The following GPC6 variants were observed in gnomAD, a reference collection of about 807,000 sequenced individuals.
GPC6 encodes glypican-6.
In GPC6, 14 loss-of-function variants were observed where a neutral mutation model predicts 55.2. The ratio of observed to expected loss-of-function variants is 0.25; its 90% CI spans 0.17 to 0.40. GPC6 has a LOEUF of 0.40. Among genes scored for constraint, GPC6 ranks in the 10% least tolerant of loss-of-function variants. The probability of loss-of-function intolerance (pLI) is 1.00; values close to 1 mark genes in which losing one functional copy is unlikely to be tolerated. For missense variants in GPC6, 641 were observed against 708.5 expected (o/e 0.90, Z 1.08); for synonymous variants, 278 against 259.6 (o/e 1.07, Z -0.68).
In GPC6 at chr13:93,654,983, C is replaced by T. The variant is rs375281577; in HGVS notation, c.319+109562C>T. ...TCCAGAGTAGCTGGGACTACAGGCG[C>T]CCACTACCATGCCCGGCTAATTTTT... On this transcript the variant is annotated intron_variant, in intron 2 of 8. Coordinates refer to ENST00000377047, the MANE Select transcript of GPC6 (RefSeq NM_005708.5). 1.7e-4 allele frequency among the ~76,000 whole-genome samples: 25 copies of T among 150,588 alleles called. No homozygotes were observed. The East Asian group carries it at 4.4e-3, about 26-fold the overall frequency.
intron 1 of GPC6, among the ~76,000 whole-genome samples, chr13:93,400,338 CAAA>C (rs11345982): frequency 3.5e-5 from 5 of 142,004 alleles, no homozygotes; most frequent in Admixed American, 2.1e-4. Context: ...AGGCACTGGT[CAAA>C]AAAAAAAAAA....
intron 3 of GPC6, among the ~76,000 whole-genome samples, chr13:93,895,244 A>ATG (rs1403748981): frequency 1.8e-5 from 1 of 55,234 alleles, no homozygotes; most frequent in Non-Finnish European, 3.7e-5. Context: ...GTATATATAT[A>ATG]TATATATATA....
At chr13:93,239,985 T>C (rs1876372615) in intron 1 of GPC6, among the ~76,000 whole-genome samples, 1 of 152,144 alleles carries the variant, frequency 6.6e-6, no homozygotes, top group Non-Finnish European at 1.5e-5. Context: ...TCTGCTGCAG[T>C]CTGAGAAGAT....
At chr13:93,297,297 T>C (rs1173995163) in intron 1 of GPC6, among the ~76,000 whole-genome samples, 2 of 152,106 alleles carry the variant, frequency 1.3e-5, no homozygotes, top group African/African-American at 4.8e-5. Context: ...ACACACACTG[T>C]GGCCTACCAT....
chr13:94,317,539 G>A (rs1876602391), intron 6 of GPC6, among the ~76,000 whole-genome samples: 1 of 152,164 alleles, frequency 6.6e-6, no homozygotes, highest in Non-Finnish European at 1.5e-5. Context: ...GCACAAAAAT[G>A]TTTCCAGTTA....
At chr13:94,024,792 A>G (rs1414735335) in intron 3 of GPC6, among the ~76,000 whole-genome samples, 1 of 152,226 alleles carries the variant, frequency 6.6e-6, no homozygotes, top group Non-Finnish European at 1.5e-5. Flanking sequence ...AATGCAATCA[A>G]TAGCCTTTGA....
At chr13:93,730,342 G>GA (rs1006019139) in intron 2 of GPC6, among the ~76,000 whole-genome samples, 2 of 152,114 alleles carry the variant, frequency 1.3e-5, no homozygotes, top group Non-Finnish European at 2.9e-5. Context: ...GCACTGGATG[G>GA]AAAAAATAAC....
chr13:94,351,961 GC>G (rs1254475621), intron 6 of GPC6, among the ~76,000 whole-genome samples: 3 of 39,742 alleles, frequency 7.5e-5, no homozygotes, highest in African/African-American at 1.6e-4. Context: ...AGAGAAGAAG[GC>G]AAAAAAAAAA....
chr13:94,256,045 G>A (rs1891492659), intron 4 of GPC6, among the ~76,000 whole-genome samples: 1 of 151,992 alleles, frequency 6.6e-6, no homozygotes, highest in African/African-American at 2.4e-5. Flanking sequence ...AAGAAGCGCT[G>A]GACAAAATCA....
chr13:93,304,465 T>C (rs1878789286), intron 1 of GPC6, among the ~76,000 whole-genome samples: 1 of 152,228 alleles, frequency 6.6e-6, no homozygotes, highest in Non-Finnish European at 1.5e-5. Flanking sequence ...ATCTTCCACA[T>C]TTACCTCTGT....
chr13:93,914,929 G>T (rs993533978), intron 3 of GPC6, among the ~76,000 whole-genome samples: 9 of 152,136 alleles, frequency 5.9e-5, no homozygotes, highest in African/African-American at 2.2e-4. Flanking sequence ...TCACCACAAA[G>T]AACCTGGATC....
intron 1 of GPC6, among the ~76,000 whole-genome samples, chr13:93,232,704 T>C (rs1203299967): frequency 6.6e-5 from 10 of 152,146 alleles, no homozygotes; most frequent in Admixed American, 2.6e-4. Flanking sequence ...GTGCCATAAA[T>C]TATGTAAGAA....
At position 94,331,754 on chromosome 13, in the gene GPC6, G is replaced by A. The variant is rs1215212132; in HGVS notation, c.1152+25631G>A. 2.0e-5 allele frequency among the ~76,000 whole-genome samples: 3 copies of A among 152,118 alleles called. No individual in the cohort carries two copies. In the East Asian group the frequency reaches 5.8e-4, roughly 29 times the overall value. On this transcript the variant is annotated intron_variant, in intron 6 of 8. Transcript: ENST00000377047. ...GAATACAAAGATTTTTAGGCAAGAT[G>A]GAAAGCAAGGATCACTACTTAGGAA...
chr13:93,627,631 A>T (rs1339285727), intron 2 of GPC6, among the ~76,000 whole-genome samples: 2 of 152,184 alleles, frequency 1.3e-5, no homozygotes, highest in Non-Finnish European at 2.9e-5. Context: ...CATTTATTGT[A>T]TTACTTATGC....
chr13:94,175,191 A>ATTGCCTCTATTGCAGGACTGGCAAACTT (rs1888704665), intron 4 of GPC6, among the ~76,000 whole-genome samples: 1 of 152,250 alleles, frequency 6.6e-6, no homozygotes, highest in East Asian at 1.9e-4. Context: ...ATTATTAGTC[A>ATTGCCTCTATTGCAGGACTGGCAAACTT]TTGCCTCTAT....
intron 3 of GPC6, among the ~76,000 whole-genome samples, chr13:94,020,164 G>T (rs760790376): frequency 1.1e-4 from 16 of 152,046 alleles, no homozygotes; most frequent in Admixed American, 2.0e-4. Context: ...ATGGCTATAA[G>T]TTTTGGCATG....
At chr13:93,878,503 C>T (rs747491763) in intron 3 of GPC6, among the ~76,000 whole-genome samples, 6 of 152,018 alleles carry the variant, frequency 3.9e-5, no homozygotes, top group Non-Finnish European at 7.4e-5. Context: ...CTCAGCCTCC[C>T]GAGTAACTGG....
intron 4 of GPC6, among the ~76,000 whole-genome samples, chr13:94,168,127 A>C (rs942962152): frequency 2.0e-5 from 3 of 152,244 alleles, no homozygotes; most frequent in Non-Finnish European, 4.4e-5. Flanking sequence ...TGATTTGACC[A>C]AGACAACTCA....
intron 4 of GPC6, among the ~76,000 whole-genome samples, chr13:94,155,519 T>C (rs1346375023): frequency 1.3e-5 from 2 of 152,164 alleles, no homozygotes; most frequent in Non-Finnish European, 2.9e-5. Context: ...AAAACTAATC[T>C]TCATATTTTA....
Sources: allele counts gnomAD v4.1 joint callset (sites outside exome capture counted in the v4.1 genomes callset), GRCh38; gene constraint gnomAD v4.1.1; transcripts MANE v1.5; gene names NCBI Gene and HGNC (gene_info 2026-07-23, HGNC 2026-07-21).